Variants in KDM1A observed in about 807,000 individuals in gnomAD.
The protein encoded by KDM1A is lysine-specific histone demethylase 1A.
KDM1A carries 49 observed loss-of-function variants against 109.4 expected under a neutral mutation model. The observed-to-expected ratio is 0.45, with a 90% CI of 0.36 to 0.57. KDM1A has a LOEUF of 0.57. Among genes scored for constraint, KDM1A ranks in the 20% least tolerant of loss-of-function variants. The probability of loss-of-function intolerance (pLI) is 0.00; values close to 1 mark genes in which losing one functional copy is unlikely to be tolerated. For missense variants in KDM1A, 668 were observed against 1,116.6 expected (o/e 0.60, Z 5.73); for synonymous variants, 380 against 415.4 (o/e 0.91, Z 1.04).
chr1:23,081,608 G>C (rs1421714617), intron 19 of KDM1A, 35 bp downstream of exon 19: 3 of 1,612,060 alleles, frequency 1.9e-6, no homozygotes, highest in Non-Finnish European at 2.5e-6. Context: ...GGGATCTAGG[G>C]TTCAGACTCA....
chr1:23,079,766 TTTA>T lies in KDM1A; in HGVS notation c.2170+103_2170+105del. ...CAATATATATGCCTTAATTTCTCTC[TTTA>T]TTAACTCAACAAACAATTCCTGAAA... On this transcript the variant is annotated intron_variant, in intron 18 of 20. Coordinates refer to ENST00000400181, the MANE Select transcript of KDM1A (RefSeq NM_001009999.3). The surrounding 1 kb of genome is among the most constrained non-coding windows in gnomAD (Gnocchi z 5.6). 3.0e-6 allele frequency: 2 copies of T among 667,040 alleles called. No homozygotes were observed. The highest frequency in any genetic ancestry group is 6.6e-5 in the Admixed American group (2 of 30,468). The allele number at this position is 667,040 out of a possible 1,614,324, so 41.3% of individuals were successfully genotyped here.
intron 4 of KDM1A, 97 bp from the exon 5 acceptor site, chr1:23,053,664 G>A: frequency 1.2e-6 from 1 of 806,348 alleles, no homozygotes; most frequent in Non-Finnish European, 2.1e-6. Flanking sequence ...GGGATTATAG[G>A]TGTGAGCCAC....
intron 2 of KDM1A, among the ~76,000 whole-genome samples, chr1:23,032,153 G>A (rs928152295): frequency 1.6e-4 from 25 of 152,008 alleles, no homozygotes; most frequent in African/African-American, 4.8e-4. Context: ...TAATGTCTGC[G>A]GTGGCTCAAG....
At chr1:23,076,831 AC>A (rs1266858188) in intron 15 of KDM1A, among the ~76,000 whole-genome samples, 1 of 151,996 alleles carries the variant, frequency 6.6e-6, no homozygotes, top group Non-Finnish European at 1.5e-5. Context: ...GTGTGGTGGT[AC>A]ATGCCTGTAA....
At position 23,055,094 on chromosome 1, in the gene KDM1A, TCA is replaced by T. The variant is rs753380832; in HGVS notation, c.819_820del (p.His273GlnfsTer15). The T allele has an allele frequency of 6.2e-7, 1 of 1,611,788 alleles. No homozygotes were observed. Among genetic ancestry groups the T allele is most frequent in the Admixed American group, 1.7e-5 (1 of 59,446 alleles). ...NSDTVLVHRV[H>X]SYLERHGLIN... ...GTGATACTGTGCTTGTCCACCGAGT[TCA>T]CAGTTATTTAGAGCGTCATGGTCTT... On this transcript the variant is annotated frameshift_variant, in exon 6 of 21. Transcript: ENST00000400181. LOFTEE classifies it high-confidence loss of function.
chr1:23,065,715 A>C (rs564295945), intron 9 of KDM1A, among the ~76,000 whole-genome samples: 197 of 151,540 alleles, frequency 1.3e-3, no homozygotes, highest in Non-Finnish European at 2.8e-4. Flanking sequence ...TGTTTGTTTG[A>C]TTTTGTTGTT....
intron 15 of KDM1A, among the ~76,000 whole-genome samples, chr1:23,076,846 C>T (rs1426443440): frequency 2.0e-5 from 3 of 151,768 alleles, no homozygotes; most frequent in African/African-American, 7.3e-5. Context: ...CCTGTAATCC[C>T]AGCAGTTACT....
intron 3 of KDM1A, among the ~76,000 whole-genome samples, chr1:23,049,862 C>T (rs539901274): frequency 6.6e-6 from 1 of 152,112 alleles, no homozygotes; most frequent in Admixed American, 6.6e-5. Context: ...TTGTTGTCTG[C>T]TTAATTTCTC....
intron 9 of KDM1A, among the ~76,000 whole-genome samples, chr1:23,065,825 T>G (rs890002507): frequency 1.3e-5 from 2 of 152,152 alleles, no homozygotes; most frequent in African/African-American, 4.8e-5. Flanking sequence ...CACTCCCCTG[T>G]CTTTTGTTAA....
chr1:23,050,248 G>A, intron 3 of KDM1A, 139 bp from the exon 4 acceptor site: 2 of 794,416 alleles, frequency 2.5e-6, no homozygotes, highest in Non-Finnish European at 3.6e-6. Flanking sequence ...TAATATCTAA[G>A]GAAGTTTCAG....
chr1:23,063,004 T>G (rs1569770213), intron 9 of KDM1A, among the ~76,000 whole-genome samples: 2 of 152,106 alleles, frequency 1.3e-5, no homozygotes, highest in South Asian at 4.1e-4. Flanking sequence ...AATTCATATT[T>G]CAGGGAACAT....
intron 7 of KDM1A, 47 bp downstream of exon 7, chr1:23,056,085 G>A: frequency 2.4e-6 from 3 of 1,253,518 alleles, no homozygotes; most frequent in Non-Finnish European, 3.5e-6. Context: ...TTGGAAATAT[G>A]GTAAGCAAAT....
chr1:23,082,868 C>T (rs1400999369), intron 20 of KDM1A: 2 of 246,126 alleles, frequency 8.1e-6, no homozygotes, highest in Non-Finnish European at 8.0e-6. Flanking sequence ...TTCAGGGTAG[C>T]GAGGCTCCCT....
At chr1:23,020,037 G>C in intron 1 of KDM1A, 90 bp downstream of exon 1, 1 of 1,337,764 alleles carries the variant, frequency 7.5e-7, no homozygotes. Flanking sequence ...CCGGGTCTTG[G>C]GCCCTGCGAC....
chr1:23,026,974 G>GT (rs1185206355), intron 1 of KDM1A, among the ~76,000 whole-genome samples: 1 of 151,990 alleles, frequency 6.6e-6, no homozygotes, highest in Non-Finnish European at 1.5e-5. Flanking sequence ...CAGGGGAATA[G>GT]TTTTTATTGA....
At chr1:23,051,713 C>T (rs764773782) in intron 4 of KDM1A, among the ~76,000 whole-genome samples, 12 of 152,128 alleles carry the variant, frequency 7.9e-5, no homozygotes, top group Admixed American at 1.3e-4. Flanking sequence ...GGTGGTACAA[C>T]GCAGAAGAAA....
chr1:23,054,974 T>G, intron 5 of KDM1A, 95 bp from the exon 6 acceptor site: 1 of 774,290 alleles, frequency 1.3e-6, no homozygotes, highest in South Asian at 1.8e-5. Context: ...GCTTAATGGT[T>G]TTAAGGACTT....
At chr1:23,081,348 C>T in intron 18 of KDM1A, 98 bp from the exon 19 acceptor site, 1 of 1,371,952 alleles carries the variant, frequency 7.3e-7, no homozygotes, top group Non-Finnish European at 1.0e-6. Flanking sequence ...GTCTTGTCAT[C>T]AGATTTCAGA....
At position 23,079,702 on chromosome 1, in the gene KDM1A, C is replaced by A; in HGVS notation, c.2170+35C>A. 7.4e-7 allele frequency: 1 copy of A among 1,342,446 alleles called. No homozygotes were observed. Among genetic ancestry groups the A allele is most frequent in the Non-Finnish European group, 1.0e-6 (1 of 960,262 alleles). The allele number at this position is 1,342,446 out of a possible 1,614,324, so 83.2% of individuals were successfully genotyped here. A position where few individuals can be genotyped will look rare whatever the true frequency, so the allele number is the denominator to read the frequency against. On this transcript the variant is annotated intron_variant, in intron 18 of 20. Coordinates refer to ENST00000400181, the MANE Select transcript of KDM1A (RefSeq NM_001009999.3). This position sits in a 1 kb window ranked among gnomAD's most constrained non-coding sequence, Gnocchi z 5.6. ...TTCTAATTTTAATCTTTTCCATATCCTTACAGGAATATAGAATTTGAAATA... is the reference window on the plus strand; with the variant it reads ...TTCTAATTTTAATCTTTTCCATATCATTACAGGAATATAGAATTTGAAATA...
Sources: allele counts gnomAD v4.1 joint callset (sites outside exome capture counted in the v4.1 genomes callset), GRCh38; gene constraint gnomAD v4.1.1; non-coding constraint Gnocchi (gnomAD v3.1); transcripts MANE v1.5; gene names NCBI Gene and HGNC (gene_info 2026-07-23, HGNC 2026-07-21).